Variants in OXR1 observed in about 807,000 individuals in gnomAD.
OXR1 encodes the protein oxidation resistance 1.
Under a neutral mutation model 104.6 loss-of-function variants are expected in OXR1, and 41 were observed. The ratio of observed to expected loss-of-function variants is 0.39; its 90% CI spans 0.31 to 0.51. OXR1 has a LOEUF of 0.51. Among genes scored for constraint, OXR1 ranks in the 20% least tolerant of loss-of-function variants. The probability of loss-of-function intolerance (pLI) is 0.77; values close to 1 mark genes in which losing one functional copy is unlikely to be tolerated. For missense variants in OXR1, 955 were observed against 1,031.9 expected, an observed-to-expected ratio of 0.93 and a Z score of 1.02; for synonymous variants, 348 against 348.4, an observed-to-expected ratio of 1.00 and a Z score of 0.01.
chr8:106,710,793 A>G lies in OXR1; in HGVS notation c.1793+3A>G, dbSNP rs772959054. 6.7e-6 allele frequency: 10 copies of G among 1,495,070 alleles called. No individual in the cohort carries two copies. The highest frequency in any genetic ancestry group is 1.4e-5 in the South Asian group (1 of 72,714). 92.6% of individuals were successfully genotyped at this position (1,495,070 alleles called of 1,614,324 possible). On this transcript the variant is annotated splice_donor_region_variant and intron_variant, in intron 10 of 16. Transcript: ENST00000517566. ...TGGTTTGCTGTGCCACAAGAAAGGT[A>G]AAAAACCCATACGACACCTTGAGAG...
intron 3 of OXR1, among the ~76,000 whole-genome samples, chr8:106,544,573 C>T (rs1443262278): frequency 6.6e-6 from 1 of 152,080 alleles, no homozygotes; most frequent in African/African-American, 2.4e-5. Flanking sequence ...TGTGATGTTT[C>T]ATTCTTTTTG....
chr8:106,336,714 T>G (rs1814983152), intron 1 of OXR1, among the ~76,000 whole-genome samples: 1 of 152,200 alleles, frequency 6.6e-6, no homozygotes. Flanking sequence ...TCTGAAGATA[T>G]TTCATTTTTG....
intron 2 of OXR1, among the ~76,000 whole-genome samples, chr8:106,506,411 A>AGC (rs1191242241): frequency 1.3e-5 from 2 of 152,176 alleles, no homozygotes; most frequent in Admixed American, 6.5e-5. Flanking sequence ...CAGGAGATCC[A>AGC]GACAATCCTG....
intron 2 of OXR1, among the ~76,000 whole-genome samples, chr8:106,496,485 A>G (rs993349806): frequency 1.3e-5 from 2 of 152,198 alleles, no homozygotes; most frequent in African/African-American, 4.8e-5. Flanking sequence ...ATTCTGCTCC[A>G]TGTCTCCTCA....
chr8:106,645,120 G>A (rs945498890), intron 3 of OXR1, among the ~76,000 whole-genome samples: 1 of 152,122 alleles, frequency 6.6e-6, no homozygotes, highest in Non-Finnish European at 1.5e-5. Flanking sequence ...AGGCTCTAAT[G>A]AGCAAACACA....
Position 106,691,986 on chromosome 8 carries a change from T to TACAC in OXR1, c.526-726_526-723dup, listed in dbSNP as rs111447939. 1.2e-3 allele frequency among the ~76,000 whole-genome samples: 181 copies of TACAC among 149,528 alleles called. 2 individuals are homozygous for TACAC. The East Asian group carries it at 0.028, about 23-fold the overall frequency. ...ATATGTGTGTGTGTGTCTATATATATACACACACACACACACACATATATA... is the reference window on the plus strand; with the variant it reads ...ATATGTGTGTGTGTGTCTATATATATACACACACACACACACACACACATATATA... On this transcript the variant is annotated intron_variant, in intron 6 of 16. Coordinates refer to ENST00000517566, the MANE Select transcript of OXR1 (RefSeq NM_001198533.2).
At chr8:106,593,701 A>G (rs1353131600) in intron 3 of OXR1, among the ~76,000 whole-genome samples, 1 of 152,216 alleles carries the variant, frequency 6.6e-6, no homozygotes, top group South Asian at 2.1e-4. Context: ...GGCGTGAACC[A>G]GGAGGCAGAT....
At chr8:106,378,063 T>A (rs535019419) in intron 2 of OXR1, among the ~76,000 whole-genome samples, 3 of 152,344 alleles carry the variant, frequency 2.0e-5, no homozygotes, top group Non-Finnish European at 4.4e-5. Context: ...AATCCTGTAA[T>A]AAGTGCATAT....
intron 2 of OXR1, among the ~76,000 whole-genome samples, chr8:106,371,734 TTTGA>T (rs2130377282): frequency 6.6e-6 from 1 of 152,306 alleles, no homozygotes; most frequent in East Asian, 1.9e-4. Context: ...TGAGTTCTAC[TTTGA>T]TTGTACTGTG....
intron 2 of OXR1, among the ~76,000 whole-genome samples, chr8:106,405,568 C>A (rs1374050582): frequency 1.3e-5 from 2 of 152,118 alleles, no homozygotes; most frequent in Non-Finnish European, 1.5e-5. Flanking sequence ...GCCTAGCCCA[C>A]CAGAGTTGTT....
intron 10 of OXR1, among the ~76,000 whole-genome samples, chr8:106,711,409 T>C (rs1831676777): frequency 6.6e-6 from 1 of 152,152 alleles, no homozygotes; most frequent in Admixed American, 6.6e-5. Context: ...ATTGCATCAT[T>C]ACTTTTTCTC....
chr8:106,563,501 A>C (rs1453068718), intron 3 of OXR1, among the ~76,000 whole-genome samples: 1 of 152,138 alleles, frequency 6.6e-6, no homozygotes, highest in Non-Finnish European at 1.5e-5. Flanking sequence ...AAGTTCTTAG[A>C]GACGTAAAAA....
chr8:106,301,263 G>A (rs551031022), intron 1 of OXR1, among the ~76,000 whole-genome samples: 14 of 152,234 alleles, frequency 9.2e-5, no homozygotes, highest in African/African-American at 3.1e-4. Context: ...CTATGCTTAC[G>A]TACTGATTTC....
At chr8:106,523,508 A>G (rs1038540079) in intron 3 of OXR1, among the ~76,000 whole-genome samples, 2 of 152,118 alleles carry the variant, frequency 1.3e-5, no homozygotes, top group Non-Finnish European at 2.9e-5. Context: ...CTACTTATAG[A>G]ATGGAATATT....
intron 1 of OXR1, among the ~76,000 whole-genome samples, chr8:106,315,168 T>G (rs901938374): frequency 2.6e-5 from 4 of 152,188 alleles, no homozygotes; most frequent in Admixed American, 2.6e-4. Context: ...TTTGCTCAAG[T>G]TTTTTGTTTG....
intron 2 of OXR1, among the ~76,000 whole-genome samples, chr8:106,499,698 T>C (rs987676480): frequency 6.6e-6 from 1 of 152,204 alleles, no homozygotes; most frequent in African/African-American, 2.4e-5. Context: ...GAATAACTGG[T>C]AGAGTTTTAT....
At chr8:106,532,295 T>C (rs1477964135) in intron 3 of OXR1, among the ~76,000 whole-genome samples, 1 of 152,206 alleles carries the variant, frequency 6.6e-6, no homozygotes, top group Non-Finnish European at 1.5e-5. Context: ...CCATATAGTG[T>C]AAGAGCTAAA....
Position 106,713,985 on chromosome 8 carries a change from G to A in OXR1, c.1956G>A (p.Glu652=). The change falls in exon 11 of 17, where the codon GAG becomes GAA. Residue 652 remains glutamate (E), a splice_region_variant and synonymous_variant. Coordinates refer to ENST00000517566, the MANE Select transcript of OXR1 (RefSeq NM_001198533.2). ...ATCAAGCAGCAGCCAGAGAATGGGA[G>A]GTAAGGAGAAAAATATGAAGATTTT... ...SSNQAAAREW[E]VVSVAEYHRR... 1 of 1,559,524 alleles carries A rather than the reference G, an allele frequency of 6.4e-7. No individual in the cohort carries two copies. Among genetic ancestry groups the A allele is most frequent in the Non-Finnish European group, 8.6e-7 (1 of 1,159,138 alleles).
chr8:106,378,967 T>G (rs1200333805), intron 2 of OXR1, among the ~76,000 whole-genome samples: 2 of 152,220 alleles, frequency 1.3e-5, no homozygotes, highest in African/African-American at 4.8e-5. Flanking sequence ...AACTTTAATC[T>G]GCCATATGCC....
Sources: gnomAD v4.1 joint callset for allele counts (sites outside exome capture counted in the v4.1 genomes callset) on GRCh38, gnomAD v4.1.1 for gene constraint, MANE v1.5 for transcripts, NCBI Gene and HGNC (gene_info 2026-07-23, HGNC 2026-07-21) for gene names.